The following SAMD5 variants were observed in gnomAD, a reference collection of about 807,000 sequenced individuals.
The protein encoded by SAMD5 is sterile alpha motif domain containing 5.
A neutral mutation model predicts 11.3 loss-of-function variants in SAMD5; 13 were observed. The observed-to-expected ratio is 1.15, with a 90% confidence interval of 0.75 to 1.83. SAMD5 has a LOEUF of 1.83. Among genes scored for constraint, SAMD5 ranks in the 40% most tolerant of loss-of-function variants. The probability of loss-of-function intolerance (pLI) is 0.00; values close to 1 mark genes in which losing one functional copy is unlikely to be tolerated. For missense variants in SAMD5, 255 were observed against 239.1 expected, an observed-to-expected ratio of 1.07 and a Z score of -0.44; for synonymous variants, 129 against 111.3, an observed-to-expected ratio of 1.16 and a Z score of -1.00.
the SAMD5 span, among the ~76,000 whole-genome samples, chr6:147,917,262 G>A: frequency 6.9e-6 from 1 of 144,192 alleles, no homozygotes; most frequent in Non-Finnish European, 1.5e-5. Context: ...ACAGGTGTGA[G>A]ATGGTATCTC....
chr6:147,530,765 C>T (rs1345958154), intron 1 of SAMD5, among the ~76,000 whole-genome samples: 1 of 152,170 alleles, frequency 6.6e-6, no homozygotes, highest in Non-Finnish European at 1.5e-5. Flanking sequence ...CGGGACCAGG[C>T]CGTGGTTCCC....
the SAMD5 span, among the ~76,000 whole-genome samples, chr6:147,756,352 C>A: frequency 6.6e-6 from 1 of 152,050 alleles, no homozygotes; most frequent in Non-Finnish European, 1.5e-5. Context: ...GTGTTCAAAT[C>A]AAATTATAAT....
At chr6:147,924,489 A>T in the SAMD5 span, among the ~76,000 whole-genome samples, 1 of 152,158 alleles carries the variant, frequency 6.6e-6, no homozygotes, top group Non-Finnish European at 1.5e-5. Context: ...TTTTCAGAAC[A>T]TAAGCCTGAT....
intron 1 of SAMD5, among the ~76,000 whole-genome samples, chr6:147,623,563 T>C (rs547073788): frequency 6.6e-6 from 1 of 152,346 alleles, no homozygotes; most frequent in Admixed American, 6.5e-5. Flanking sequence ...ATTTTCGTGA[T>C]GTATTTTCTT....
intron 1 of SAMD5, among the ~76,000 whole-genome samples, chr6:147,643,943 G>C (rs1380353653): frequency 6.6e-6 from 1 of 152,126 alleles, no homozygotes; most frequent in Non-Finnish European, 1.5e-5. Flanking sequence ...AACTTGCCTG[G>C]GGTTAACTAG....
chr6:147,579,353 T>A (rs1789262313), intron 1 of SAMD5, among the ~76,000 whole-genome samples: 1 of 152,066 alleles, frequency 6.6e-6, no homozygotes, highest in Admixed American at 6.6e-5. Context: ...GTGCAAGGTG[T>A]TTTGTGGAAG....
chr6:147,812,112 T>G, the SAMD5 span, among the ~76,000 whole-genome samples: 1 of 152,128 alleles, frequency 6.6e-6, no homozygotes, highest in African/African-American at 2.4e-5. Context: ...GAAGCAGCAC[T>G]GATGAATGGA....
the SAMD5 span, among the ~76,000 whole-genome samples, chr6:147,817,969 C>T: frequency 2.6e-5 from 4 of 152,176 alleles, no homozygotes; most frequent in Non-Finnish European, 5.9e-5. Flanking sequence ...AAAGAAGACA[C>T]ATTTCAGCGA....
At position 147,567,459 on chromosome 6, in the gene SAMD5, G is replaced by T. The variant is rs1408151848; in HGVS notation, c.*3003G>T. On this transcript the variant is annotated 3_prime_UTR_variant, in exon 2 of 2. Coordinates refer to ENST00000367474, the MANE Select transcript of SAMD5 (RefSeq NM_001030060.3). ...TGCGGTGAATCTGTTAAGGATGTAA[G>T]CTATAGTGTAGCTTGGGGAATCATC... 1.0e-6 allele frequency: 1 copy of T among 983,230 alleles called. No homozygotes were observed. The highest frequency in any genetic ancestry group is 1.2e-6 in the Non-Finnish European group (1 of 828,062). 60.9% of individuals were successfully genotyped at this position (983,230 alleles called of 1,614,324 possible).
the SAMD5 span, among the ~76,000 whole-genome samples, chr6:147,855,843 A>T: frequency 1.3e-5 from 2 of 152,186 alleles, no homozygotes; most frequent in Non-Finnish European, 2.9e-5. Flanking sequence ...ATGCAATACC[A>T]CCACTTTGGA....
At chr6:147,739,244 A>G (rs1232379815), downstream of SAMD5, among the ~76,000 whole-genome samples, 4 of 152,188 alleles carry the variant, frequency 2.6e-5, no homozygotes, top group East Asian at 1.9e-4. Flanking sequence ...CCTGGATCCT[A>G]GTTTTATTTT....
chr6:147,537,907 C>A (rs990246914), intron 1 of SAMD5, among the ~76,000 whole-genome samples: 1 of 151,962 alleles, frequency 6.6e-6, no homozygotes, highest in African/African-American at 2.4e-5. Flanking sequence ...AAAATAAAAC[C>A]CTTTTATTAT....
chr6:147,729,103 G>C (rs140613355), intron 1 of SAMD5, among the ~76,000 whole-genome samples: 68 of 152,282 alleles, frequency 4.5e-4, no homozygotes, highest in African/African-American at 1.6e-3. Flanking sequence ...GCTGACGGCA[G>C]CCCTCTTGCT....
At chr6:147,813,751 G>T in the SAMD5 span, among the ~76,000 whole-genome samples, 1 of 152,182 alleles carries the variant, frequency 6.6e-6, no homozygotes, top group Non-Finnish European at 1.5e-5. Flanking sequence ...TGTGGGGACA[G>T]CTAATTTTCT....
chr6:147,621,097 G>A (rs1001349208), intron 1 of SAMD5, among the ~76,000 whole-genome samples: 1 of 152,100 alleles, frequency 6.6e-6, no homozygotes, highest in African/African-American at 2.4e-5. Flanking sequence ...GGTCTTACGT[G>A]TCGGGCTAAT....
At chr6:147,954,305 A>G in the SAMD5 span, among the ~76,000 whole-genome samples, 1 of 152,232 alleles carries the variant, frequency 6.6e-6, no homozygotes, top group Non-Finnish European at 1.5e-5. Context: ...ATTGAAAAAC[A>G]GCAACTTAAT....
At chr6:147,800,612 C>T in the SAMD5 span, among the ~76,000 whole-genome samples, 3 of 152,212 alleles carry the variant, frequency 2.0e-5, no homozygotes, top group African/African-American at 4.8e-5. Flanking sequence ...TCGAGCTTCC[C>T]GGCTGCTTTG....
At chr6:147,917,384 G>A in the SAMD5 span, among the ~76,000 whole-genome samples, 17 of 150,240 alleles carry the variant, frequency 1.1e-4, no homozygotes, top group South Asian at 2.8e-3. Flanking sequence ...CATGTCCTTC[G>A]CCCACTTTTT....
chr6:147,543,878 A>G (rs1788644348), intron 1 of SAMD5, among the ~76,000 whole-genome samples: 1 of 152,184 alleles, frequency 6.6e-6, no homozygotes, highest in Non-Finnish European at 1.5e-5. Context: ...GAGAGTGTAA[A>G]AGACAAGCAG....
Sources: gnomAD v4.1 joint callset for allele counts (sites outside exome capture counted in the v4.1 genomes callset) on GRCh38, gnomAD v4.1.1 for gene constraint, MANE v1.5 for transcripts, NCBI Gene and HGNC (gene_info 2026-07-23, HGNC 2026-07-21) for gene names.